SLIT3: variants seen among roughly 807,000 people sequenced by gnomAD.
SLIT3 encodes the protein slit guidance ligand 3.
In SLIT3, 68 loss-of-function variants were observed where a neutral mutation model predicts 184.0. That is an observed-to-expected ratio of 0.37 (90% CI 0.30 to 0.45). The LOEUF (loss-of-function observed/expected upper bound fraction) is 0.45. SLIT3 is among the 20% of genes least tolerant of loss of function. The probability of loss-of-function intolerance (pLI) is 1.00; values close to 1 mark genes in which losing one functional copy is unlikely to be tolerated. For missense variants in SLIT3, 1,707 were observed against 2,026.0 expected, an observed-to-expected ratio of 0.84 and a Z score of 3.02; for synonymous variants, 831 against 828.6, an observed-to-expected ratio of 1.00 and a Z score of -0.05.
chr5:168,785,230 A>C (rs1756112907), intron 12 of SLIT3, among the ~76,000 whole-genome samples: 2 of 152,240 alleles, frequency 1.3e-5, no homozygotes. Flanking sequence ...TTACCAGCAC[A>C]AAAATTAAAC....
At chr5:169,153,515 T>C (rs1174747186) in intron 4 of SLIT3, among the ~76,000 whole-genome samples, 2 of 152,256 alleles carry the variant, frequency 1.3e-5, no homozygotes, top group African/African-American at 2.4e-5. Context: ...TTTGCTGTCT[T>C]ACTCTCTCTA....
At chr5:169,144,475 T>G (rs1170597976) in intron 4 of SLIT3, among the ~76,000 whole-genome samples, 1 of 152,220 alleles carries the variant, frequency 6.6e-6, no homozygotes, top group African/African-American at 2.4e-5. Context: ...GAGTATAAAC[T>G]CTTAAAGGCA....
At chr5:168,995,290 G>A (rs555282201) in intron 4 of SLIT3, among the ~76,000 whole-genome samples, 2 of 152,208 alleles carry the variant, frequency 1.3e-5, no homozygotes, top group East Asian at 1.9e-4. Flanking sequence ...GTCTACAAAG[G>A]GGGTAGTGTG....
At chr5:169,291,555 C>T (rs763652786) in intron 1 of SLIT3, among the ~76,000 whole-genome samples, 1 of 152,160 alleles carries the variant, frequency 6.6e-6, no homozygotes, top group Non-Finnish European at 1.5e-5. Context: ...TCCCATTAGT[C>T]TTCACGCTCC....
At chr5:169,001,370 A>T (rs1755697265) in intron 4 of SLIT3, among the ~76,000 whole-genome samples, 1 of 152,212 alleles carries the variant, frequency 6.6e-6, no homozygotes, top group Non-Finnish European at 1.5e-5. Flanking sequence ...TCTGCTTGAA[A>T]TGAAGGGAGA....
intron 3 of SLIT3, among the ~76,000 whole-genome samples, chr5:169,212,479 T>G (rs923387106): frequency 2.0e-5 from 3 of 152,066 alleles, no homozygotes; most frequent in Non-Finnish European, 4.4e-5. Flanking sequence ...TGTTTTTTTT[T>G]CTTGTAAATT....
At position 168,901,052 on chromosome 5, in the gene SLIT3, C is replaced by T. The variant is rs558709491; in HGVS notation, c.414-17716G>A. Among the ~76,000 whole-genome samples the T allele has an allele frequency of 3.3e-5, 5 of 152,240 alleles. No individual in the cohort carries two copies. In the South Asian group the frequency reaches 6.2e-4, roughly 19 times the overall value. On this transcript the variant is annotated intron_variant, in intron 4 of 35. Coordinates refer to ENST00000519560, the MANE Select transcript of SLIT3 (RefSeq NM_003062.4). ...TCCTAAAAGCCCTGACTTCATCACC[C>T]TGTGATGTGTGCATGTAACAAAATT...
chr5:169,065,412 A>G (rs1354295457), intron 4 of SLIT3, among the ~76,000 whole-genome samples: 1 of 152,220 alleles, frequency 6.6e-6, no homozygotes, highest in African/African-American at 2.4e-5. Flanking sequence ...GGTCCATGTC[A>G]AAGTCCTTGT....
chr5:169,009,650 G>A (rs1406199993), intron 4 of SLIT3, among the ~76,000 whole-genome samples: 2 of 152,162 alleles, frequency 1.3e-5, no homozygotes, highest in African/African-American at 4.8e-5. Context: ...ACATCCTAAC[G>A]TCATGTTAAG....
At chr5:168,707,062 C>A (rs1007036695) in intron 26 of SLIT3, 6 of 152,130 alleles carry the variant, frequency 3.9e-5, no homozygotes, top group Admixed American at 2.6e-4. Context: ...CCAGTGAAGC[C>A]CAAGGAAGGG....
intron 3 of SLIT3, among the ~76,000 whole-genome samples, chr5:169,227,029 G>A (rs1291670735): frequency 1.3e-5 from 2 of 152,102 alleles, no homozygotes; most frequent in Admixed American, 6.5e-5. Flanking sequence ...TTGTGTCTGG[G>A]GAACCCACTA....
At chr5:169,240,682 A>T (rs1299468136) in intron 3 of SLIT3, among the ~76,000 whole-genome samples, 1 of 150,180 alleles carries the variant, frequency 6.7e-6, no homozygotes, top group East Asian at 2.0e-4. Flanking sequence ...ATACACTGAC[A>T]ATCTATGTTT....
chr5:168,774,141 G>A, intron 13 of SLIT3, 94 bp downstream of exon 13: 1 of 1,245,414 alleles, frequency 8.0e-7, no homozygotes, highest in South Asian at 1.5e-5. Context: ...TCCTGGATGT[G>A]CTCGTGCTGC....
intron 14 of SLIT3, among the ~76,000 whole-genome samples, chr5:168,765,087 C>T (rs1755294460): frequency 6.6e-6 from 1 of 152,186 alleles, no homozygotes; most frequent in African/African-American, 2.4e-5. Context: ...AGCGAAGGAA[C>T]CCTGACTGCT....
At chr5:169,159,921 A>G (rs1388421326) in intron 4 of SLIT3, among the ~76,000 whole-genome samples, 1 of 152,192 alleles carries the variant, frequency 6.6e-6, no homozygotes, top group African/African-American at 2.4e-5. Flanking sequence ...CTCTTAGAAA[A>G]TGTATATAAT....
chr5:168,901,378 C>CAAAACAAAAT (rs1760869953), intron 4 of SLIT3, among the ~76,000 whole-genome samples: 2 of 151,152 alleles, frequency 1.3e-5, no homozygotes, highest in Admixed American at 1.3e-4. Flanking sequence ...CAAAACAAAA[C>CAAAACAAAAT]AAAACAAAAC....
At chr5:168,699,002 C>A (rs75497752) in intron 27 of SLIT3, among the ~76,000 whole-genome samples, 9 of 152,336 alleles carry the variant, frequency 5.9e-5, no homozygotes, top group African/African-American at 1.4e-4. Flanking sequence ...TCTGACCCCC[C>A]CAATCCCTCG....
chr5:169,255,732 A>C (rs548042945), intron 1 of SLIT3, among the ~76,000 whole-genome samples: 40 of 152,144 alleles, frequency 2.6e-4, no homozygotes, highest in Admixed American at 1.0e-3. Context: ...AAATACAAAA[A>C]ATTAGCCGAG....
chr5:169,062,367 A>G (rs976889999), intron 4 of SLIT3, among the ~76,000 whole-genome samples: 3 of 152,180 alleles, frequency 2.0e-5, no homozygotes, highest in African/African-American at 7.2e-5. Flanking sequence ...TGAATGCTAC[A>G]TAGACACCCA....
Sources: allele counts gnomAD v4.1 joint callset (sites outside exome capture counted in the v4.1 genomes callset), GRCh38; gene constraint gnomAD v4.1.1; transcripts MANE v1.5; gene names NCBI Gene and HGNC (gene_info 2026-07-23, HGNC 2026-07-21).